The following FSIP1 variants were observed in gnomAD, a reference collection of about 807,000 sequenced individuals.
The protein encoded by FSIP1 is fibrous sheath interacting protein 1, also known as fibrous sheath-interacting protein 1.
Under a neutral mutation model 60.9 loss-of-function variants are expected in FSIP1, and 65 were observed. The observed-to-expected ratio is 1.07, with a 90% CI of 0.87 to 1.31. The LOEUF (loss-of-function observed/expected upper bound fraction) is 1.31, where lower values mean the gene tolerates loss of function less well. Among genes scored for constraint, FSIP1 ranks in the 40% most tolerant of loss-of-function variants. FSIP1 has a pLI of 0.00. For synonymous variants in FSIP1, 209 were observed against 221.2 expected, an observed-to-expected ratio of 0.94 and a Z score of 0.49; for missense variants, 675 against 665.5, an observed-to-expected ratio of 1.01 and a Z score of -0.16.
intron 10 of FSIP1, among the ~76,000 whole-genome samples, chr15:39,711,663 A>G (rs1384128716): frequency 7.1e-6 from 1 of 141,016 alleles, no homozygotes; most frequent in Non-Finnish European, 1.5e-5. Flanking sequence ...ACACTTCCCT[A>G]CCATTCCTAC....
chr15:39,729,838 G>A (rs2140606440), intron 8 of FSIP1, among the ~76,000 whole-genome samples: 1 of 152,228 alleles, frequency 6.6e-6, no homozygotes, highest in South Asian at 2.1e-4. Flanking sequence ...GCTAAACATT[G>A]AGTACACATG....
chr15:39,680,456 C>T (rs1212545632), intron 10 of FSIP1, among the ~76,000 whole-genome samples: 3 of 152,196 alleles, frequency 2.0e-5, no homozygotes, highest in African/African-American at 7.2e-5. Flanking sequence ...CCCAGCCTTC[C>T]TTGCTGCTGT....
At chr15:39,765,359 G>C (rs1002758834) in intron 4 of FSIP1, among the ~76,000 whole-genome samples, 6 of 149,192 alleles carry the variant, frequency 4.0e-5, no homozygotes, top group Non-Finnish European at 8.9e-5. Flanking sequence ...TCCCACCTCA[G>C]CCTCCCAAGT....
chr15:39,754,470 T>A (rs1897248363), intron 5 of FSIP1, among the ~76,000 whole-genome samples: 1 of 151,852 alleles, frequency 6.6e-6, no homozygotes. Context: ...AATGACACCA[T>A]GGAGGCGAGA....
intron 10 of FSIP1, among the ~76,000 whole-genome samples, chr15:39,645,176 A>C (rs1303945077): frequency 6.6e-6 from 1 of 152,246 alleles, no homozygotes; most frequent in African/African-American, 2.4e-5. Flanking sequence ...AACTTTCTAC[A>C]TTCTTAGTGG....
intron 10 of FSIP1, among the ~76,000 whole-genome samples, chr15:39,675,552 T>C (rs1462202952): frequency 6.6e-6 from 1 of 152,114 alleles, no homozygotes; most frequent in African/African-American, 2.4e-5. Flanking sequence ...TATAGATAGA[T>C]CTTGGCAGCA....
intron 8 of FSIP1, among the ~76,000 whole-genome samples, chr15:39,728,097 A>G (rs1252029747): frequency 1.3e-5 from 2 of 152,200 alleles, no homozygotes; most frequent in African/African-American, 4.8e-5. Flanking sequence ...AAAGACCTCT[A>G]CAATGAGAAT....
In FSIP1 at chr15:39,600,654, T is replaced by G. The variant is rs533773418; in HGVS notation, c.*226A>C. On this transcript the variant is annotated 3_prime_UTR_variant, in exon 12 of 12. Coordinates refer to ENST00000350221, the MANE Select transcript of FSIP1 (RefSeq NM_152597.5). ...TAATACTGTAAGATTAGCAATAAAT[T>G]TATAAACAATGGTCCCAGAAATTTT... The G allele has an allele frequency of 4.2e-6, 2 of 474,880 alleles. No homozygotes were observed. The highest frequency in any genetic ancestry group is 4.1e-5 in the Admixed American group (1 of 24,376). 29.4% of individuals were successfully genotyped at this position (474,880 alleles called of 1,614,324 possible).
At chr15:39,629,700 T>A (rs756459449) in intron 10 of FSIP1, among the ~76,000 whole-genome samples, 2 of 152,220 alleles carry the variant, frequency 1.3e-5, no homozygotes, top group Non-Finnish European at 2.9e-5. Context: ...AATGTACAAC[T>A]CTCTCAAGGA....
chr15:39,648,093 C>G (rs1892698636), intron 10 of FSIP1, among the ~76,000 whole-genome samples: 1 of 146,546 alleles, frequency 6.8e-6, no homozygotes. Context: ...GGGTGCAGCG[C>G]ACAAGCATGG....
intron 10 of FSIP1, among the ~76,000 whole-genome samples, chr15:39,707,189 C>T (rs1895307571): frequency 6.6e-6 from 1 of 152,188 alleles, no homozygotes; most frequent in African/African-American, 2.4e-5. Context: ...CTTTGGTGGA[C>T]TGCTGAGGGC....
chr15:39,676,472 G>A lies in FSIP1; in HGVS notation c.1188+36972C>T, dbSNP rs1438303758. Among the ~76,000 whole-genome samples, 5 of 152,304 alleles carry A rather than the reference G, an allele frequency of 3.3e-5. No homozygotes were observed. The South Asian group carries it at 1.0e-3, about 32-fold the overall frequency. On this transcript the variant is annotated intron_variant, in intron 10 of 11. Coordinates refer to ENST00000350221, the MANE Select transcript of FSIP1 (RefSeq NM_152597.5). ...TCACATGTGAGAAACCTATTGAGCA[G>A]TGAATAGAATAATTATTCCTGAAGA...
chr15:39,661,341 T>G lies in FSIP1; in HGVS notation c.1189-43096A>C, dbSNP rs76582471. Among the ~76,000 whole-genome samples, 17 of 152,286 alleles carry G rather than the reference T, an allele frequency of 1.1e-4. 1 individual carries two copies. The South Asian group carries it at 2.5e-3, about 22-fold the overall frequency. On this transcript the variant is annotated intron_variant, in intron 10 of 11. Transcript: ENST00000350221. ...GTATACAATAGATCTGGACAGATAA[T>G]TGGGAAGCAGAGCATCTGCTACAAA...
chr15:39,643,318 G>A (rs962799464), intron 10 of FSIP1, among the ~76,000 whole-genome samples: 3 of 152,166 alleles, frequency 2.0e-5, no homozygotes, highest in Non-Finnish European at 2.9e-5. Flanking sequence ...TCCTTCTTAC[G>A]GTTTCAAAAC....
intron 10 of FSIP1, among the ~76,000 whole-genome samples, chr15:39,658,650 T>C (rs1893170122): frequency 6.6e-6 from 1 of 152,244 alleles, no homozygotes; most frequent in African/African-American, 2.4e-5. Flanking sequence ...ATAAGATTTT[T>C]AAGATAGACA....
At chr15:39,737,497 T>C (rs930483148) in intron 8 of FSIP1, among the ~76,000 whole-genome samples, 5 of 152,226 alleles carry the variant, frequency 3.3e-5, no homozygotes, top group South Asian at 2.1e-4. Flanking sequence ...CACATTCATA[T>C]GTCATCAGTA....
intron 10 of FSIP1, among the ~76,000 whole-genome samples, chr15:39,684,339 C>G (rs937959): frequency 0.94 from 142,560 of 152,244 alleles, 67,138 homozygotes; most frequent in Non-Finnish European, 0.99. Context: ...GAGGCACATG[C>G]GGAACATTAT....
chr15:39,695,289 C>T (rs1004518281), intron 10 of FSIP1, among the ~76,000 whole-genome samples: 1 of 151,726 alleles, frequency 6.6e-6, no homozygotes, highest in African/African-American at 2.4e-5. Flanking sequence ...CCATGGCTGC[C>T]AATCCCCATC....
Position 39,617,683 on chromosome 15 carries a change from T to C in FSIP1, c.1699+52A>G, listed in dbSNP as rs113534700. On this transcript the variant is annotated intron_variant, in intron 11 of 11. Transcript: ENST00000350221. ...TAATTTAAACCATAATACCTTTATA[T>C]TGAGGTGCTTTTAAGAATTATTTAC... 383 of 1,480,796 alleles carry C rather than the reference T, an allele frequency of 2.6e-4. 1 individual carries two copies. In the African/African-American group the frequency reaches 4.4e-3, roughly 17 times the overall value. 91.7% of individuals were successfully genotyped at this position (1,480,796 alleles called of 1,614,324 possible).
Sources: gnomAD v4.1 joint callset for allele counts (sites outside exome capture counted in the v4.1 genomes callset) on GRCh38, gnomAD v4.1.1 for gene constraint, MANE v1.5 for transcripts, NCBI Gene and HGNC (gene_info 2026-07-23, HGNC 2026-07-21) for gene names.